The following HOXC10 variants were observed in gnomAD, a reference collection of about 807,000 sequenced individuals.
HOXC10 encodes homeobox protein Hox-C10.
A neutral mutation model predicts 26.0 loss-of-function variants in HOXC10; 15 were observed. That is an observed-to-expected ratio of 0.58 (90% confidence interval 0.39 to 0.89). The LOEUF is 0.89. Ranked by LOEUF, HOXC10 falls within the 40% of genes least tolerant of loss-of-function variation. The pLI is 0.00. For missense variants in HOXC10, 446 were observed against 451.9 expected, an observed-to-expected ratio of 0.99 and a Z score of 0.12; for synonymous variants, 196 against 185.5, an observed-to-expected ratio of 1.06 and a Z score of -0.46.
chr12:53,989,713 C>T lies in HOXC10; in HGVS notation c.*267C>T, dbSNP rs1386070858. The T allele has an allele frequency of 2.0e-6, 1 of 501,394 alleles. No homozygotes were observed. Among genetic ancestry groups the T allele is most frequent in the Non-Finnish European group, 3.5e-6 (1 of 285,176 alleles). 31.1% of individuals were successfully genotyped at this position (501,394 alleles called of 1,614,324 possible). A position where few individuals can be genotyped will look rare whatever the true frequency, so the allele number is the denominator to read the frequency against. ...GTGGGAGTGTGGCTGGTGTGTGTGT[C>T]AAGCCCTCACTCACCCACGCACTCA... On this transcript the variant is annotated 3_prime_UTR_variant, in exon 2 of 2. Transcript: ENST00000303460.
chr12:53,985,840 G>A lies in HOXC10; in HGVS notation c.581G>A (p.Gly194Asp), dbSNP rs1052310269. 1 of 1,613,798 alleles carries A rather than the reference G, an allele frequency of 6.2e-7. No individual in the cohort carries two copies. Among genetic ancestry groups the A allele is most frequent in the Non-Finnish European group, 8.5e-7 (1 of 1,180,012 alleles). Reference protein sequence around the residue: ...AEHLESPQLGGKVSFPETPKS... With the variant: ...AEHLESPQLGDKVSFPETPKS... Reference sequence around the variant, plus strand: ...CATCTGGAATCGCCTCAGCTGGGGGGCAAAGTGAGTTTCCCTGAGACCCCC... The same window carrying A: ...CATCTGGAATCGCCTCAGCTGGGGGACAAAGTGAGTTTCCCTGAGACCCCC... The change falls in exon 1 of 2, where the codon GGC becomes GAC. Residue 194 changes from glycine (G) to aspartate (D), a missense_variant. By Grantham distance (94) the Gly-to-Asp change is moderately conservative. Transcript: ENST00000303460.
In HOXC10 at chr12:53,989,189, AC is replaced by A; in HGVS notation, c.774del (p.Thr259GlnfsTer5). 6.2e-7 allele frequency: 1 copy of A among 1,606,412 alleles called. No homozygotes were observed. Among genetic ancestry groups the A allele is most frequent in the Non-Finnish European group, 8.5e-7 (1 of 1,177,600 alleles). On this transcript the variant is annotated frameshift_variant, in exon 2 of 2. Transcript: ENST00000303460. LOFTEE classifies it high-confidence loss of function. ...EAKEEIKAEN[T>X]TGNWLTAKSG... Reference sequence around the variant, plus strand: ...AACAGAGGAGATAAAGGCAGAAAACACCACAGGAAATTGGCTGACAGCAAAG... The same window carrying A: ...AACAGAGGAGATAAAGGCAGAAAACACACAGGAAATTGGCTGACAGCAAAG...
intron 1 of HOXC10, chr12:53,986,220 C>T: frequency 1.7e-6 from 1 of 575,580 alleles, no homozygotes; most frequent in Middle Eastern, 4.6e-4. Flanking sequence ...AGGTGTCGGC[C>T]CTGCCCCGGC....
At position 53,985,787 on chromosome 12, in the gene HOXC10, G is replaced by A. The variant is rs1939422915; in HGVS notation, c.528G>A (p.Gln176=). Residue 176 remains glutamine, a synonymous_variant, in exon 1 of 2, where the codon CAG becomes CAA. Transcript: ENST00000303460. ...ACGACTTCGAAGCCCCTTTCGAGCA[G>A]CGGGCCAGTCTCAACCCGCGCGCCG... ...GANDFEAPFE[Q]RASLNPRAEH... 6.2e-7 allele frequency: 1 copy of A among 1,613,724 alleles called. No individual in the cohort carries two copies. Among genetic ancestry groups the A allele is most frequent in the Non-Finnish European group, 8.5e-7 (1 of 1,180,004 alleles).
intron 1 of HOXC10, 100 bp downstream of exon 1, chr12:53,986,110 C>T: frequency 7.8e-7 from 1 of 1,280,306 alleles, no homozygotes; most frequent in Non-Finnish European, 1.0e-6. Context: ...CAGGAGGCCC[C>T]AGACCATTTC....
rs1442660348 is a variant in HOXC10, at chr12:53,989,988, AG to A, written c.*543del. 6.5e-6 allele frequency: 1 copy of A among 152,972 alleles called. No homozygotes were observed. The allele number at this position is 152,972 out of a possible 1,614,324, so 9.5% of individuals were successfully genotyped here. A position where few individuals can be genotyped will look rare whatever the true frequency, so the allele number is the denominator to read the frequency against. On this transcript the variant is annotated 3_prime_UTR_variant, in exon 2 of 2. Coordinates refer to ENST00000303460, the MANE Select transcript of HOXC10 (RefSeq NM_017409.4). ...ATGTCTTTACCTCCCAGTCGCTCTA[AG>A]AATCTGCTTGAAGTCTCGTATTTGT...
intron 1 of HOXC10, among the ~76,000 whole-genome samples, chr12:53,987,897 A>C (rs996109848): frequency 1.3e-5 from 2 of 152,224 alleles, no homozygotes; most frequent in African/African-American, 4.8e-5. Context: ...TCTGGCAAGA[A>C]GCTGCAGGTG....
In HOXC10 at chr12:53,985,294, A is replaced by C. The variant is rs1368304472; in HGVS notation, c.35A>C (p.Tyr12Ser). 3.2e-6 allele frequency: 5 copies of C among 1,583,520 alleles called. No individual in the cohort carries two copies. Among genetic ancestry groups the C allele is most frequent in the Non-Finnish European group, 4.3e-6 (5 of 1,166,146 alleles). ...CCTCGCAATGTAACTCCGAACTCGTACGCGGAGCCCTTGGCTGCGCCCGGC... is the reference window on the plus strand; with the variant it reads ...CCTCGCAATGTAACTCCGAACTCGTCCGCGGAGCCCTTGGCTGCGCCCGGC... Reference protein sequence around the residue: ...TCPRNVTPNSYAEPLAAPGGG... With the variant: ...TCPRNVTPNSSAEPLAAPGGG... The change falls in exon 1 of 2, where the codon TAC becomes TCC. Residue 12 changes from tyrosine to serine, a missense_variant. Coordinates refer to ENST00000303460, the MANE Select transcript of HOXC10 (RefSeq NM_017409.4).
At position 53,989,289 on chromosome 12, in the gene HOXC10, T is replaced by C. The variant is rs745317409; in HGVS notation, c.872T>C (p.Met291Thr). 3.7e-6 allele frequency: 6 copies of C among 1,614,108 alleles called. No individual in the cohort carries two copies. In the African/African-American group the frequency reaches 5.3e-5, roughly 14 times the overall value. The change falls in exon 2 of 2, where the codon ATG becomes ACG. Residue 291 changes from methionine (M) to threonine (T), a missense_variant. Coordinates refer to ENST00000303460, the MANE Select transcript of HOXC10 (RefSeq NM_017409.4). ...LELEKEFLFNMYLTRERRLEI... is the reference protein window; with the variant it reads ...LELEKEFLFNTYLTRERRLEI... The stretch of plus-strand genomic sequence containing the variant: ...TTGGAGAAAGAATTTCTGTTCAATA[T>C]GTATTTGACGCGAGAGCGCCGCCTG...
At chr12:53,987,209 C>T (rs1939451204) in intron 1 of HOXC10, among the ~76,000 whole-genome samples, 1 of 152,310 alleles carries the variant, frequency 6.6e-6, no homozygotes, top group South Asian at 2.1e-4. Flanking sequence ...ATGGATGCGA[C>T]GCACACGCAT....
At chr12:53,989,060 G>A in intron 1 of HOXC10, 109 bp from the exon 2 acceptor site, 2 of 928,258 alleles carry the variant, frequency 2.2e-6, no homozygotes, top group East Asian at 2.7e-5. Flanking sequence ...GGCAAGAGCA[G>A]CTCCCCTGTG....
In HOXC10 at chr12:53,985,993, C is replaced by T. The variant is rs777158561; in HGVS notation, c.734C>T (p.Ser245Leu). The T allele has an allele frequency of 1.9e-6, 3 of 1,567,754 alleles. No homozygotes were observed. Among genetic ancestry groups the T allele is most frequent in the East Asian group, 2.3e-5 (1 of 44,282 alleles). Residue 245 changes from serine to leucine, a missense_variant, in exon 1 of 2, where the codon TCG becomes TTG. Ser to Leu is a moderately radical substitution (Grantham distance 145, BLOSUM62 -2). Coordinates refer to ENST00000303460, the MANE Select transcript of HOXC10 (RefSeq NM_017409.4). The part of the protein sequence containing the change: ...AKAADSSPDT[S>L]DNEAKEEIKA... The stretch of plus-strand genomic sequence containing the variant: ...GCTGCCGACTCCAGCCCAGACACCT[C>T]GGATAACGAAGCGAAAGGTAAGGCC...
At chr12:53,986,363 T>G in intron 1 of HOXC10, 1 of 203,480 alleles carries the variant, frequency 4.9e-6, no homozygotes, top group Non-Finnish European at 9.8e-6. Context: ...CCTGGGGAGC[T>G]GACGTCCCCC....
Position 53,985,672 on chromosome 12 carries a change from T to C in HOXC10, c.413T>C (p.Leu138Pro). 6.2e-7 allele frequency: 1 copy of C among 1,612,288 alleles called. No individual in the cohort carries two copies. The highest frequency in any genetic ancestry group is 8.5e-7 in the Non-Finnish European group (1 of 1,178,822). ...TCCCACCCCTTGCCGGAGTCCTGCC[T>C]TGGGGAGCACGAGGTACCCGTGCCC... The part of the protein sequence containing the change: ...LYSHPLPESC[L>P]GEHEVPVPSY... Residue 138 changes from leucine (L) to proline (P), a missense_variant, in exon 1 of 2, where the codon CTT becomes CCT. Transcript: ENST00000303460.
rs1270233810 is a variant in HOXC10 at position 53,985,651 on chromosome 12, A to G, written c.392A>G (p.His131Arg). Reference protein sequence around the residue: ...KSGPEAALYSHPLPESCLGEH... With the variant: ...KSGPEAALYSRPLPESCLGEH... ...GGCCCCGAGGCAGCTCTCTACTCCCACCCCTTGCCGGAGTCCTGCCTTGGG... is the reference window on the plus strand; with the variant it reads ...GGCCCCGAGGCAGCTCTCTACTCCCGCCCCTTGCCGGAGTCCTGCCTTGGG... The change falls in exon 1 of 2, where the codon CAC becomes CGC. Residue 131 changes from histidine to arginine, a missense_variant. By Grantham distance (29) the His-to-Arg change is conservative. Transcript: ENST00000303460. 2 of 1,612,768 alleles carry G rather than the reference A, an allele frequency of 1.2e-6. No homozygotes were observed. Among genetic ancestry groups the G allele is most frequent in the Admixed American group, 3.3e-5 (2 of 59,966 alleles).
At chr12:53,987,963 G>C (rs1488574598) in intron 1 of HOXC10, among the ~76,000 whole-genome samples, 1 of 152,122 alleles carries the variant, frequency 6.6e-6, no homozygotes, top group Admixed American at 6.5e-5. Flanking sequence ...GCAACCTCAA[G>C]TTTGCCTTTT....
At position 53,989,612 on chromosome 12, in the gene HOXC10, C is replaced by T. The variant is rs1168545354; in HGVS notation, c.*166C>T. The stretch of plus-strand genomic sequence containing the variant: ...TCCAAGGGACCTGTGGTTCGTGCTG[C>T]GAAGATGCTTCCACTTAAAGCATGA... On this transcript the variant is annotated 3_prime_UTR_variant, in exon 2 of 2. Coordinates refer to ENST00000303460, the MANE Select transcript of HOXC10 (RefSeq NM_017409.4). 7.3e-6 allele frequency: 5 copies of T among 682,298 alleles called. No individual in the cohort carries two copies. Among genetic ancestry groups the T allele is most frequent in the South Asian group, 6.0e-5 (3 of 49,894 alleles). The allele number at this position is 682,298 out of a possible 1,614,324, so 42.3% of individuals were successfully genotyped here. A position where few individuals can be genotyped will look rare whatever the true frequency, so the allele number is the denominator to read the frequency against.
Position 53,988,034 on chromosome 12 carries a change from C to G in HOXC10, c.752-1135C>G, listed in dbSNP as rs140515924. The stretch of plus-strand genomic sequence containing the variant: ...CACCCCGCCCCCAACAAGATAAGAT[C>G]CAGGAACCTGGCAGCCTCATTGGAA... On this transcript the variant is annotated intron_variant, in intron 1 of 1. Coordinates refer to ENST00000303460, the MANE Select transcript of HOXC10 (RefSeq NM_017409.4). 3.3e-5 allele frequency among the ~76,000 whole-genome samples: 5 copies of G among 152,264 alleles called. No homozygotes were observed. In the East Asian group the frequency reaches 9.6e-4, roughly 29 times the overall value.
rs1032075318 is a variant in HOXC10, at chr12:53,985,947, A to G, written c.688A>G (p.Ser230Gly). ...LAGPKGSPSE[S>G]EKERAKAADS... ...GGGCCCTAAAGGGAGCCCCTCGGAG[A>G]GCGAAAAGGAGAGGGCCAAAGCTGC... is the stretch of plus-strand genomic sequence containing the variant. The change falls in exon 1 of 2, where the codon AGC becomes GGC. Residue 230 changes from serine (S) to glycine (G), a missense_variant. By Grantham distance (56) the Ser-to-Gly change is moderately conservative. Transcript: ENST00000303460. The G allele has an allele frequency of 6.2e-7, 1 of 1,610,970 alleles. No individual in the cohort carries two copies. Among genetic ancestry groups the G allele is most frequent in the South Asian group, 1.1e-5 (1 of 90,762 alleles).
Sources: allele counts gnomAD v4.1 joint callset (sites outside exome capture counted in the v4.1 genomes callset), GRCh38; gene constraint gnomAD v4.1.1; transcripts MANE v1.5; gene names NCBI Gene and HGNC (gene_info 2026-07-23, HGNC 2026-07-21).